DPP10: variants seen among roughly 807,000 people sequenced by gnomAD.
DPP10 encodes inactive dipeptidyl peptidase 10.
In DPP10, 33 loss-of-function variants were observed where a neutral mutation model predicts 120.9. The ratio of observed to expected loss-of-function variants is 0.27; its 90% CI spans 0.21 to 0.37. The LOEUF (loss-of-function observed/expected upper bound fraction) is 0.37. Ranked by LOEUF, DPP10 falls within the 10% of genes least tolerant of loss-of-function variation. DPP10 has a pLI of 1.00. For missense variants in DPP10, 816 were observed against 942.8 expected, an observed-to-expected ratio of 0.87 and a Z score of 1.76; for synonymous variants, 337 against 326.1, an observed-to-expected ratio of 1.03 and a Z score of -0.36.
intron 1 of DPP10, among the ~76,000 whole-genome samples, chr2:114,929,417 C>G (rs1465508512): frequency 1.3e-5 from 2 of 152,186 alleles, no homozygotes; most frequent in Non-Finnish European, 2.9e-5. Context: ...TATTTCATCC[C>G]TTGTCTTCAA....
At chr2:115,208,683 A>G (rs756912670) in intron 1 of DPP10, among the ~76,000 whole-genome samples, 26 of 152,218 alleles carry the variant, frequency 1.7e-4, no homozygotes, top group Admixed American at 3.9e-4. Flanking sequence ...GGAAAACTCT[A>G]TCCTTGAGGC....
chr2:115,335,334 A>AT (rs753636759), intron 2 of DPP10, among the ~76,000 whole-genome samples: 17 of 151,988 alleles, frequency 1.1e-4, no homozygotes, highest in Non-Finnish European at 2.5e-4. Context: ...AACTATTTAA[A>AT]TTTATTTTTT....
intron 3 of DPP10, among the ~76,000 whole-genome samples, chr2:115,350,216 A>G (rs2063937793): frequency 6.6e-6 from 1 of 152,138 alleles, no homozygotes; most frequent in African/African-American, 2.4e-5. Flanking sequence ...TGCAGATAAT[A>G]TATTAATTGA....
In DPP10 at chr2:115,136,684, A is replaced by G. The variant is rs571739591; in HGVS notation, c.61-172555A>G. On this transcript the variant is annotated intron_variant, in intron 1 of 25. Coordinates refer to ENST00000410059, the MANE Select transcript of DPP10 (RefSeq NM_020868.6). ...AAAAAAAAAACCATAAAGCAGACAT[A>G]ATGATTTACAGAGGCAAGCAATCTG... Among the ~76,000 whole-genome samples, 92 of 152,248 alleles carry G rather than the reference A, an allele frequency of 6.0e-4. 1 individual carries two copies. The highest frequency in any genetic ancestry group is 3.4e-3 in the Middle Eastern group (1 of 294).
chr2:114,862,426 G>A (rs1689882290), intron 1 of DPP10, among the ~76,000 whole-genome samples: 1 of 152,074 alleles, frequency 6.6e-6, no homozygotes, highest in Admixed American at 6.6e-5. Context: ...TATGCTAGCA[G>A]AGTGGAAAAA....
chr2:115,382,187 C>A (rs565897361), intron 3 of DPP10, among the ~76,000 whole-genome samples: 1 of 152,204 alleles, frequency 6.6e-6, no homozygotes, highest in Admixed American at 6.5e-5. Context: ...TGATCTCAGA[C>A]TGCTGTGCTA....
chr2:114,544,448 T>C (rs971415059), intron 1 of DPP10, among the ~76,000 whole-genome samples: 1 of 152,168 alleles, frequency 6.6e-6, no homozygotes, highest in Non-Finnish European at 1.5e-5. Context: ...AGGTCCAAAA[T>C]AGGCAATTTC....
At chr2:114,818,956 T>C (rs1353594821) in intron 1 of DPP10, among the ~76,000 whole-genome samples, 1 of 152,182 alleles carries the variant, frequency 6.6e-6, no homozygotes, top group East Asian at 1.9e-4. Context: ...AATGATGAGT[T>C]TGAGTCTCCA....
At chr2:114,685,515 A>G (rs570662481) in intron 1 of DPP10, among the ~76,000 whole-genome samples, 3 of 151,788 alleles carry the variant, frequency 2.0e-5, no homozygotes, top group African/African-American at 4.8e-5. Flanking sequence ...ATTTTCCGGA[A>G]CTCCAGAATT....
intron 5 of DPP10, among the ~76,000 whole-genome samples, chr2:115,587,615 A>G (rs950444765): frequency 2.6e-5 from 4 of 152,212 alleles, no homozygotes; most frequent in African/African-American, 9.6e-5. Context: ...AGCATTGTTA[A>G]TAATAGCCAA....
At chr2:115,505,887 C>T (rs1018450326) in intron 4 of DPP10, among the ~76,000 whole-genome samples, 2 of 152,068 alleles carry the variant, frequency 1.3e-5, no homozygotes, top group African/African-American at 4.8e-5. Flanking sequence ...TGTTAATTAG[C>T]TTGCTTTAAT....
intron 5 of DPP10, among the ~76,000 whole-genome samples, chr2:115,616,421 C>T (rs1472246166): frequency 1.3e-5 from 2 of 151,340 alleles, no homozygotes; most frequent in Non-Finnish European, 1.5e-5. Flanking sequence ...TGCTTTAATC[C>T]CCCAGTATCC....
intron 1 of DPP10, among the ~76,000 whole-genome samples, chr2:114,981,306 T>G (rs1700076063): frequency 6.6e-6 from 1 of 152,150 alleles, no homozygotes; most frequent in Non-Finnish European, 1.5e-5. Flanking sequence ...AAAATAATTT[T>G]GTTGAATCAA....
At chr2:115,490,778 TA>T (rs1239746117) in intron 3 of DPP10, among the ~76,000 whole-genome samples, 3 of 152,162 alleles carry the variant, frequency 2.0e-5, no homozygotes, top group Non-Finnish European at 2.9e-5. Context: ...AAGATAGTAT[TA>T]AAAAATATTC....
chr2:115,392,733 A>AT (rs1559534832), intron 3 of DPP10, among the ~76,000 whole-genome samples: 1 of 152,108 alleles, frequency 6.6e-6, no homozygotes, highest in African/African-American at 2.4e-5. Context: ...ATTACAATGA[A>AT]TTTTTTAAAA....
intron 3 of DPP10, among the ~76,000 whole-genome samples, chr2:115,435,744 A>G (rs530954118): frequency 6.6e-6 from 1 of 151,670 alleles, no homozygotes; most frequent in South Asian, 2.1e-4. Context: ...TTTGTTGCCT[A>G]TCTTACACAA....
chr2:114,953,656 T>C (rs1208972837), intron 1 of DPP10, among the ~76,000 whole-genome samples: 2 of 152,146 alleles, frequency 1.3e-5, no homozygotes, highest in Non-Finnish European at 2.9e-5. Flanking sequence ...CATATGTAAT[T>C]GAATTTTATC....
chr2:114,491,430 T>G (rs936614390), intron 1 of DPP10, among the ~76,000 whole-genome samples: 1 of 152,220 alleles, frequency 6.6e-6, no homozygotes, highest in Admixed American at 6.5e-5. Flanking sequence ...ATCCTTTGTA[T>G]AAAAATCAGT....
intron 3 of DPP10, among the ~76,000 whole-genome samples, chr2:115,417,475 TAAC>T (rs2069534121): frequency 6.6e-6 from 1 of 152,174 alleles, no homozygotes; most frequent in African/African-American, 2.4e-5. Flanking sequence ...AATGTTATAA[TAAC>T]AACATAGTTA....
Sources: gnomAD v4.1 joint callset for allele counts (sites outside exome capture counted in the v4.1 genomes callset) on GRCh38, gnomAD v4.1.1 for gene constraint, MANE v1.5 for transcripts, NCBI Gene and HGNC (gene_info 2026-07-23, HGNC 2026-07-21) for gene names.